PARD3B: variants seen among roughly 807,000 people sequenced by gnomAD.
PARD3B encodes par-3 family cell polarity regulator beta, also known as partitioning defective 3 homolog B.
PARD3B carries 103 observed loss-of-function variants against 130.2 expected under a neutral mutation model. The ratio of observed to expected loss-of-function variants is 0.79; its 90% CI spans 0.67 to 0.93. The LOEUF (loss-of-function observed/expected upper bound fraction) is 0.93. Ranked by LOEUF, PARD3B falls within the 40% of genes least tolerant of loss-of-function variation. The pLI is 0.00. For synonymous variants in PARD3B, 583 were observed against 553.2 expected, an observed-to-expected ratio of 1.05 and a Z score of -0.76; for missense variants, 1,609 against 1,499.2, an observed-to-expected ratio of 1.07 and a Z score of -1.21.
intron 2 of PARD3B, among the ~76,000 whole-genome samples, chr2:204,786,211 A>G (rs1406606216): frequency 6.6e-6 from 1 of 152,060 alleles, no homozygotes; most frequent in African/African-American, 2.4e-5. Flanking sequence ...GAGGTTATGC[A>G]GGTGACAATA....
chr2:205,063,985 G>A lies in PARD3B; in HGVS notation c.504+16295G>A, dbSNP rs553939820. ...CATTGGTGATTTCAGAATAAGACCAGTTTCTATAAAGGGAAGTGAGGTAAA... is the reference window on the plus strand; with the variant it reads ...CATTGGTGATTTCAGAATAAGACCAATTTCTATAAAGGGAAGTGAGGTAAA... On this transcript the variant is annotated intron_variant, in intron 4 of 22. Coordinates refer to ENST00000406610, the MANE Select transcript of PARD3B (RefSeq NM_001302769.2). 3.3e-5 allele frequency among the ~76,000 whole-genome samples: 5 copies of A among 152,166 alleles called. 1 individual carries two copies. Among genetic ancestry groups the A allele is most frequent in the African/African-American group, 1.2e-4 (5 of 41,560 alleles).
rs893080377 is a variant in PARD3B, at chr2:205,592,415, C to T, written c.3261-23041C>T. 2.0e-5 allele frequency among the ~76,000 whole-genome samples: 3 copies of T among 152,168 alleles called. No homozygotes were observed. The highest frequency in any genetic ancestry group is 2.9e-5 in the Non-Finnish European group (2 of 68,030). On this transcript the variant is annotated intron_variant, in intron 22 of 22. Coordinates refer to ENST00000406610, the MANE Select transcript of PARD3B (RefSeq NM_001302769.2). The surrounding 1 kb of genome is among the most constrained non-coding windows in gnomAD (Gnocchi z 4.5). ...AAAGAAAACCCCTTCTTTCCCACAACAGGAATCTCCAGCGAACATCCACTA... is the reference window on the plus strand; with the variant it reads ...AAAGAAAACCCCTTCTTTCCCACAATAGGAATCTCCAGCGAACATCCACTA...
At chr2:205,023,002 G>A (rs904982638) in intron 3 of PARD3B, among the ~76,000 whole-genome samples, 1 of 152,116 alleles carries the variant, frequency 6.6e-6, no homozygotes, top group Non-Finnish European at 1.5e-5. Flanking sequence ...AATAGCAACT[G>A]AACTTGAACA....
At chr2:205,195,205 T>C (rs966973711) in intron 15 of PARD3B, among the ~76,000 whole-genome samples, 1 of 152,182 alleles carries the variant, frequency 6.6e-6, no homozygotes, top group Non-Finnish European at 1.5e-5. Context: ...TTTGCATTTT[T>C]TTATACATAT....
At position 205,550,782 on chromosome 2, in the gene PARD3B, A is replaced by G. The variant is rs974304093; in HGVS notation, c.3181-2542A>G. On this transcript the variant is annotated intron_variant, in intron 21 of 22. Coordinates refer to ENST00000406610, the MANE Select transcript of PARD3B (RefSeq NM_001302769.2). This position sits in a 1 kb window ranked among gnomAD's most constrained non-coding sequence, Gnocchi z 4.5. ...TATATAAATACATATATGTATATACATGCAAATATACAAATATATGCATAT... is the reference window on the plus strand; with the variant it reads ...TATATAAATACATATATGTATATACGTGCAAATATACAAATATATGCATAT... 6.6e-6 allele frequency among the ~76,000 whole-genome samples: 1 copy of G among 150,542 alleles called. No individual in the cohort carries two copies. Among genetic ancestry groups the G allele is most frequent in the African/African-American group, 2.4e-5 (1 of 41,088 alleles).
intron 15 of PARD3B, among the ~76,000 whole-genome samples, chr2:205,199,910 A>G (rs779639450): frequency 3.9e-5 from 6 of 152,114 alleles, no homozygotes; most frequent in Non-Finnish European, 5.9e-5. Context: ...CAGAAAGATA[A>G]TGAATTCCAG....
chr2:205,442,884 G>A (rs528283151), intron 20 of PARD3B, among the ~76,000 whole-genome samples: 160 of 152,302 alleles, frequency 1.1e-3, no homozygotes, highest in Non-Finnish European at 2.0e-3. Flanking sequence ...ATGTGTAAAA[G>A]AGTGTTACTT....
At chr2:205,601,175 A>G (rs2054770998) in intron 22 of PARD3B, among the ~76,000 whole-genome samples, 1 of 152,148 alleles carries the variant, frequency 6.6e-6, no homozygotes, top group African/African-American at 2.4e-5. Flanking sequence ...TTGTTTCTTG[A>G]CTTTTTAATA....
At chr2:204,972,170 T>C (rs1280129212) in intron 3 of PARD3B, among the ~76,000 whole-genome samples, 2 of 152,156 alleles carry the variant, frequency 1.3e-5, no homozygotes, top group Non-Finnish European at 2.9e-5. Flanking sequence ...TTGTATTGAG[T>C]AAAACTATGA....
chr2:205,262,910 G>A (rs2040369922), intron 16 of PARD3B, among the ~76,000 whole-genome samples: 1 of 151,980 alleles, frequency 6.6e-6, no homozygotes, highest in African/African-American at 2.4e-5. Context: ...AATACATATT[G>A]GAGCAATCAA....
intron 20 of PARD3B, among the ~76,000 whole-genome samples, chr2:205,497,677 A>G (rs1197670950): frequency 6.6e-6 from 1 of 151,846 alleles, no homozygotes; most frequent in Non-Finnish European, 1.5e-5. Context: ...AAATACTCAC[A>G]CAAGAGAGAA....
At chr2:205,315,685 C>T (rs2042541228) in intron 18 of PARD3B, among the ~76,000 whole-genome samples, 1 of 152,146 alleles carries the variant, frequency 6.6e-6, no homozygotes, top group Admixed American at 6.6e-5. Context: ...GCGTTTCTCT[C>T]TCCAACTTTC....
At chr2:204,959,413 A>G (rs1365269457) in intron 2 of PARD3B, among the ~76,000 whole-genome samples, 2 of 152,140 alleles carry the variant, frequency 1.3e-5, no homozygotes, top group Admixed American at 6.5e-5. Flanking sequence ...AGTCTTTGCT[A>G]TTGTAAATAG....
intron 2 of PARD3B, among the ~76,000 whole-genome samples, chr2:204,795,224 T>C (rs2042328763): frequency 6.6e-6 from 1 of 152,212 alleles, no homozygotes; most frequent in Non-Finnish European, 1.5e-5. Context: ...AAGATTTTGT[T>C]AAGCCCTGTC....
intron 21 of PARD3B, among the ~76,000 whole-genome samples, chr2:205,507,834 T>C (rs879031380): frequency 2.0e-5 from 3 of 152,256 alleles, no homozygotes; most frequent in Admixed American, 2.0e-4. Context: ...TTAAATTTGC[T>C]GCCATTATTT....
intron 18 of PARD3B, among the ~76,000 whole-genome samples, chr2:205,374,247 A>C (rs989074123): frequency 6.6e-6 from 1 of 150,592 alleles, no homozygotes; most frequent in South Asian, 2.1e-4. Context: ...TATTATTATT[A>C]TTTTTTTGAG....
At chr2:205,417,448 A>C (rs2046819118) in intron 19 of PARD3B, among the ~76,000 whole-genome samples, 1 of 152,164 alleles carries the variant, frequency 6.6e-6, no homozygotes, top group African/African-American at 2.4e-5. Flanking sequence ...TATGCCCAGT[A>C]ATGGGATGGC....
chr2:205,037,586 C>T (rs1215761417), intron 3 of PARD3B, among the ~76,000 whole-genome samples: 1 of 147,374 alleles, frequency 6.8e-6, no homozygotes, highest in Admixed American at 6.8e-5. Context: ...GATATATGTA[C>T]AGTCGACTAT....
At chr2:204,646,217 T>C (rs1418563064) in intron 1 of PARD3B, among the ~76,000 whole-genome samples, 1 of 152,136 alleles carries the variant, frequency 6.6e-6, no homozygotes, top group Non-Finnish European at 1.5e-5. Flanking sequence ...GGAATGTTGC[T>C]TGCACCCCAG....
Sources: gnomAD v4.1 joint callset for allele counts (sites outside exome capture counted in the v4.1 genomes callset) on GRCh38, gnomAD v4.1.1 for gene constraint, Gnocchi (gnomAD v3.1) non-coding constraint, MANE v1.5 for transcripts, NCBI Gene and HGNC (gene_info 2026-07-23, HGNC 2026-07-21) for gene names.